The following ZNF48 variants were observed in gnomAD, a reference collection of about 807,000 sequenced individuals.
The protein encoded by ZNF48 is zinc finger protein 553.
Under a neutral mutation model 40.0 loss-of-function variants are expected in ZNF48, and 20 were observed. The observed-to-expected ratio is 0.50, with a 90% CI of 0.35 to 0.73. The LOEUF is 0.73. Ranked by LOEUF, ZNF48 falls within the 30% of genes least tolerant of loss-of-function variation. ZNF48 has a pLI of 0.01. For synonymous variants in ZNF48, 298 were observed against 329.7 expected (o/e 0.90, Z 1.04); for missense variants, 726 against 851.9 (o/e 0.85, Z 1.84).
In ZNF48 at chr16:30,397,844, C is replaced by T. The variant is rs777820462; in HGVS notation, c.594C>T (p.Gly198=). ...GERPTICGEC[G]KSFRQSSDLV... ...GCCCCACTATCTGTGGTGAATGTGG[C>T]AAGAGCTTCCGGCAGAGTTCTGACC... Residue 198 remains glycine (G), a synonymous_variant, in exon 3 of 3, where the codon GGC becomes GGT. Transcript: ENST00000613509. This position sits in a 1 kb window ranked among gnomAD's most constrained non-coding sequence, Gnocchi z 4.1. 1.9e-6 allele frequency: 3 copies of T among 1,614,002 alleles called. No individual in the cohort carries two copies. Among genetic ancestry groups the T allele is most frequent in the South Asian group, 1.1e-5 (1 of 91,086 alleles).
chr16:30,378,373 G>T, exon 1 of ZNF48: 1 of 1,444,790 alleles, frequency 6.9e-7, no homozygotes, highest in Non-Finnish European at 9.2e-7. Context: ...TGTGGGGCGC[G>T]GGGATTGGAC....
intron 1 of ZNF48, among the ~76,000 whole-genome samples, chr16:30,385,317 CTA>C (rs1208795199): frequency 6.6e-6 from 1 of 151,962 alleles, no homozygotes; most frequent in East Asian, 1.9e-4. Flanking sequence ...TTGAGCATCT[CTA>C]TGGTCTTAGT....
Position 30,397,180 on chromosome 16 carries a change from C to T in ZNF48, c.80-150C>T. 1.4e-6 allele frequency: 1 copy of T among 693,002 alleles called. No individual in the cohort carries two copies. Among genetic ancestry groups the T allele is most frequent in the Non-Finnish European group, 2.4e-6 (1 of 414,654 alleles). The allele number at this position is 693,002 out of a possible 1,614,324, so 42.9% of individuals were successfully genotyped here. ...AAAAAGAAGTTTTTATTGAGAGGCACAGATAGTAAGTGCACCAGAGGTTGA... is the reference window on the plus strand; with the variant it reads ...AAAAAGAAGTTTTTATTGAGAGGCATAGATAGTAAGTGCACCAGAGGTTGA... On this transcript the variant is annotated intron_variant, in intron 2 of 2. Coordinates refer to ENST00000613509, the MANE Select transcript of ZNF48 (RefSeq NM_001214909.2). This position sits in a 1 kb window ranked among gnomAD's most constrained non-coding sequence, Gnocchi z 4.1.
chr16:30,386,245 C>G (rs1314400296), intron 1 of ZNF48, among the ~76,000 whole-genome samples: 1 of 152,012 alleles, frequency 6.6e-6, no homozygotes, highest in Non-Finnish European at 1.5e-5. Context: ...TGTCACTACA[C>G]TTTAGCATGG....
At chr16:30,379,648 T>A in intron 1 of ZNF48, 1 of 578,262 alleles carries the variant, frequency 1.7e-6, no homozygotes, top group Non-Finnish European at 2.7e-6. Context: ...CTCTTTTTTT[T>A]TTTTTTTTTT....
intron 1 of ZNF48, among the ~76,000 whole-genome samples, chr16:30,385,270 C>CCT (rs1357893721): frequency 6.6e-6 from 1 of 151,774 alleles, no homozygotes; most frequent in African/African-American, 2.4e-5. Flanking sequence ...CCTCTCAGCA[C>CCT]TCCACCACCG....
intron 1 of ZNF48, among the ~76,000 whole-genome samples, chr16:30,387,116 T>C (rs1247399039): frequency 2.0e-5 from 3 of 150,986 alleles, no homozygotes; most frequent in Non-Finnish European, 4.4e-5. Flanking sequence ...CTAATTTTTT[T>C]GTATTTTTAG....
At chr16:30,386,276 C>G (rs1207893801) in intron 1 of ZNF48, among the ~76,000 whole-genome samples, 3 of 151,828 alleles carry the variant, frequency 2.0e-5, no homozygotes, top group Non-Finnish European at 4.4e-5. Context: ...GAGACCCTGT[C>G]TCAAAAAAAA....
chr16:30,395,935 G>A lies in ZNF48; in HGVS notation c.79+62G>A. On this transcript the variant is annotated intron_variant, in intron 2 of 2. Transcript: ENST00000613509. The surrounding 1 kb of genome is among the most constrained non-coding windows in gnomAD (Gnocchi z 5.9). The stretch of plus-strand genomic sequence containing the variant: ...ACGGCCGGTGGGGACTGCGATGCTT[G>A]GCTGTGGCCGGCCGAGATCCTGGAA... The A allele has an allele frequency of 1.4e-6, 2 of 1,420,502 alleles. No homozygotes were observed. The highest frequency in any genetic ancestry group is 1.9e-6 in the Non-Finnish European group (2 of 1,070,428). The allele number at this position is 1,420,502 out of a possible 1,614,324, so 88.0% of individuals were successfully genotyped here. A position where few individuals can be genotyped will look rare whatever the true frequency, so the allele number is the denominator to read the frequency against.
At chr16:30,386,515 A>C (rs938367766) in intron 1 of ZNF48, among the ~76,000 whole-genome samples, 3 of 152,092 alleles carry the variant, frequency 2.0e-5, no homozygotes, top group African/African-American at 7.2e-5. Flanking sequence ...TCTACAAAAA[A>C]TACAAAAATT....
upstream of ZNF48, among the ~76,000 whole-genome samples, chr16:30,391,440 A>AGCCTACCAAAGT (rs1421263345): frequency 6.6e-6 from 1 of 150,614 alleles, no homozygotes; most frequent in Non-Finnish European, 1.5e-5. Context: ...CGCCCGCCTC[A>AGCCTACCAAAGT]GCCTACCAAA....
Position 30,395,633 on chromosome 16 carries a change from G to A in ZNF48, c.-16+55G>A, listed in dbSNP as rs1229784971. On this transcript the variant is annotated intron_variant, in intron 1 of 2. Transcript: ENST00000613509. This position sits in a 1 kb window ranked among gnomAD's most constrained non-coding sequence, Gnocchi z 5.9. ...GCAGCAGGTGCAGGGGCGGCCGGCG[G>A]CGCGGGCAGGGGGCACCGGGAGCCG... 8 of 417,988 alleles carry A rather than the reference G, an allele frequency of 1.9e-5. No individual in the cohort carries two copies. The highest frequency in any genetic ancestry group is 5.4e-5 in the Admixed American group (1 of 18,554). The allele number at this position is 417,988 out of a possible 1,614,324, so 25.9% of individuals were successfully genotyped here.
At chr16:30,393,358 G>A (rs1480283765), upstream of ZNF48, among the ~76,000 whole-genome samples, 2 of 151,680 alleles carry the variant, frequency 1.3e-5, no homozygotes, top group Non-Finnish European at 2.9e-5. Context: ...TTACAGGTGT[G>A]AGGCACCACA....
At chr16:30,393,875 G>A (rs556353893), upstream of ZNF48, among the ~76,000 whole-genome samples, 1 of 151,980 alleles carries the variant, frequency 6.6e-6, no homozygotes, top group South Asian at 2.1e-4. Flanking sequence ...GCTACCATGC[G>A]CTGCTAAATT....
chr16:30,378,793 C>T (rs966001302), intron 1 of ZNF48: 108 of 1,252,160 alleles, frequency 8.6e-5, no homozygotes, highest in Non-Finnish European at 1.0e-4. Flanking sequence ...AGGTTGGGGT[C>T]TAGGAGGCGG....
upstream of ZNF48, chr16:30,394,574 T>C (rs77871165): frequency 0.021 from 3,162 of 152,542 alleles, 40 homozygotes; most frequent in Middle Eastern, 0.075. Flanking sequence ...GCCGCCTCTT[T>C]CTTTGTGTCT....
chr16:30,394,569 CTCTT>C (rs1015339920), upstream of ZNF48: 1 of 152,492 alleles, frequency 6.6e-6, no homozygotes, highest in African/African-American at 2.4e-5. Context: ...TTCTGGCCGC[CTCTT>C]TCTTTGTGTC....
At chr16:30,389,831 T>G (rs1192279182) in intron 1 of ZNF48, among the ~76,000 whole-genome samples, 2 of 108,718 alleles carry the variant, frequency 1.8e-5, no homozygotes, top group Non-Finnish European at 3.5e-5. Context: ...TTTTTTTTTT[T>G]TTTTTTTTTT....
chr16:30,382,322 T>C lies in ZNF48; in HGVS notation c.-16+3912T>C. Reference sequence around the variant, plus strand: ...AAACCCCTTCTTGACAGACTTGCGGTGCAGCTGGTTGGGGAGGGCAGCAAA... The same window carrying C: ...AAACCCCTTCTTGACAGACTTGCGGCGCAGCTGGTTGGGGAGGGCAGCAAA... On this transcript the variant is annotated intron_variant, in intron 1 of 2. Coordinates refer to the ZNF48 transcript ENST00000528032. This position sits in a 1 kb window ranked among gnomAD's most constrained non-coding sequence, Gnocchi z 4.8. 2 of 1,613,834 alleles carry C rather than the reference T, an allele frequency of 1.2e-6. No individual in the cohort carries two copies. The highest frequency in any genetic ancestry group is 8.5e-7 in the Non-Finnish European group (1 of 1,179,842).
Sources: gnomAD v4.1 joint callset for allele counts (sites outside exome capture counted in the v4.1 genomes callset) on GRCh38, gnomAD v4.1.1 for gene constraint, Gnocchi (gnomAD v3.1) non-coding constraint, MANE v1.5 for transcripts, NCBI Gene and HGNC (gene_info 2026-07-23, HGNC 2026-07-21) for gene names.